UTRN: variants seen among roughly 807,000 people sequenced by gnomAD.
UTRN encodes the protein utrophin.
A neutral mutation model predicts 463.9 loss-of-function variants in UTRN; 283 were observed. The ratio of observed to expected loss-of-function variants is 0.61; its 90% CI spans 0.55 to 0.67. The LOEUF (loss-of-function observed/expected upper bound fraction) is 0.67. UTRN is among the 30% of genes least tolerant of loss of function. UTRN has a pLI of 0.00. For synonymous variants in UTRN, 1,442 were observed against 1,431.5 expected (o/e 1.01, Z -0.17); for missense variants, 3,922 against 4,084.3 (o/e 0.96, Z 1.08).
At chr6:144,320,938 G>C (rs541745531) in intron 2 of UTRN, among the ~76,000 whole-genome samples, 4 of 152,288 alleles carry the variant, frequency 2.6e-5, no homozygotes, top group South Asian at 2.1e-4. Flanking sequence ...GGGATGGAGT[G>C]GGGGGAGGTG....
rs118010353 is a variant in UTRN at position 144,651,900 on chromosome 6, T to C, written c.7480-26506T>C. Reference sequence around the variant, plus strand: ...GTTCTTTAGTGGGGATTTCTGAAATTTTGGTGCACCCATCACCTGAGCAGT... The same window carrying C: ...GTTCTTTAGTGGGGATTTCTGAAATCTTGGTGCACCCATCACCTGAGCAGT... On this transcript the variant is annotated intron_variant, in intron 51 of 74. Coordinates refer to ENST00000367545, the MANE Select transcript of UTRN (RefSeq NM_007124.3). Among the ~76,000 whole-genome samples, 410 of 152,236 alleles carry C rather than the reference T, an allele frequency of 2.7e-3. 14 individuals are homozygous for C. In the East Asian group the frequency reaches 0.057, roughly 21 times the overall value.
chr6:144,774,343 A>G lies in UTRN; in HGVS notation c.8611A>G (p.Arg2871Gly). 1 of 1,602,754 alleles carries G rather than the reference A, an allele frequency of 6.2e-7. No homozygotes were observed. Among genetic ancestry groups the G allele is most frequent in the Non-Finnish European group, 8.5e-7 (1 of 1,176,928 alleles). Residue 2871 changes from arginine to glycine, a missense_variant, in exon 60 of 75, where the codon AGA becomes GGA. This residue lies in a region of UTRN where 1,309 missense variants were observed against 1,452.6 expected (regional missense o/e 0.90). Coordinates refer to ENST00000367545, the MANE Select transcript of UTRN (RefSeq NM_007124.3). The part of the protein sequence containing the change: ...SAYRTAIKIR[R>G]LQKALCLDLL... ...CTACCGTACAGCAATCAAAATCCGAAGACTACAAAAAGCACTATGTTGTGA... is the reference window on the plus strand; with the variant it reads ...CTACCGTACAGCAATCAAAATCCGAGGACTACAAAAAGCACTATGTTGTGA...
chr6:144,622,993 G>A (rs1775587564), intron 51 of UTRN, among the ~76,000 whole-genome samples: 1 of 152,170 alleles, frequency 6.6e-6, no homozygotes, highest in Non-Finnish European at 1.5e-5. Context: ...GCATTTTAAA[G>A]AATTACAGTG....
chr6:144,573,823 A>G (rs1022146542), intron 50 of UTRN, among the ~76,000 whole-genome samples: 22 of 152,316 alleles, frequency 1.4e-4, no homozygotes, highest in Admixed American at 6.5e-4. Context: ...AGTTTATAGA[A>G]TGGGTGGAAA....
At chr6:144,821,626 A>T (rs548853833) in intron 66 of UTRN, among the ~76,000 whole-genome samples, 74 of 152,232 alleles carry the variant, frequency 4.9e-4, no homozygotes, top group Admixed American at 1.0e-3. Flanking sequence ...TGAAAGTTTC[A>T]AGATGGTGAA....
intron 74 of UTRN, among the ~76,000 whole-genome samples, chr6:144,847,963 C>T (rs1782162573): frequency 6.6e-6 from 1 of 152,148 alleles, no homozygotes; most frequent in Non-Finnish European, 1.5e-5. Context: ...AACTTGTTTA[C>T]TAATCTTTTT....
At chr6:144,771,611 CGATG>C (rs1287308819) in intron 58 of UTRN, among the ~76,000 whole-genome samples, 1 of 151,502 alleles carries the variant, frequency 6.6e-6, no homozygotes, top group Non-Finnish European at 1.5e-5. Context: ...TTTTTAGTAG[CGATG>C]GGATTTCATC....
chr6:144,500,352 TTCTC>T (rs1367864878), intron 34 of UTRN, among the ~76,000 whole-genome samples: 3 of 152,240 alleles, frequency 2.0e-5, no homozygotes, highest in African/African-American at 7.2e-5. Context: ...CAATTTGCAT[TTCTC>T]TAATGTTAGT....
Position 144,721,401 on chromosome 6 carries a change from G to T in UTRN, c.7810-8956G>T, listed in dbSNP as rs546039393. On this transcript the variant is annotated intron_variant, in intron 53 of 74. Coordinates refer to ENST00000367545, the MANE Select transcript of UTRN (RefSeq NM_007124.3). ...TTTTTGTTGTTGTTATTGAGACGGG[G>T]TCTAGCTATGTTGCCCAGGCTGGTG... Among the ~76,000 whole-genome samples the T allele has an allele frequency of 9.9e-5, 15 of 152,268 alleles. No individual in the cohort carries two copies. The South Asian group carries it at 2.5e-3, about 25-fold the overall frequency.
intron 50 of UTRN, among the ~76,000 whole-genome samples, chr6:144,561,256 T>TATATAC (rs1424919435): frequency 1.3e-5 from 1 of 75,652 alleles, no homozygotes; most frequent in African/African-American, 4.3e-5. Flanking sequence ...TATATATATA[T>TATATAC]ATATACATAC....
chr6:144,842,110 CAAAAAAAAAAAAA>C (rs35954430), intron 73 of UTRN, among the ~76,000 whole-genome samples: 4 of 62,068 alleles, frequency 6.4e-5, no homozygotes, highest in East Asian at 6.0e-4. Flanking sequence ...ACTTCCTCTC[CAAAAAAAAAAAAA>C]AAAAAAAAAA....
chr6:144,655,975 GTTTAGA>G (rs761116707), intron 51 of UTRN, among the ~76,000 whole-genome samples: 3 of 152,118 alleles, frequency 2.0e-5, no homozygotes, highest in Non-Finnish European at 4.4e-5. Flanking sequence ...TTATTAAGCA[GTTTAGA>G]TTTAGATTTT....
intron 58 of UTRN, among the ~76,000 whole-genome samples, chr6:144,766,597 C>T (rs910788748): frequency 6.6e-6 from 1 of 152,004 alleles, no homozygotes; most frequent in African/African-American, 2.4e-5. Context: ...CACTTGGCAC[C>T]ATGGAGTTCA....
At chr6:144,625,967 T>C (rs1304233654) in intron 51 of UTRN, among the ~76,000 whole-genome samples, 1 of 152,232 alleles carries the variant, frequency 6.6e-6, no homozygotes, top group Non-Finnish European at 1.5e-5. Flanking sequence ...GAAAAGTTTC[T>C]GTTGACACTG....
intron 18 of UTRN, 101 bp downstream of exon 18, chr6:144,451,594 A>G: frequency 7.3e-7 from 1 of 1,368,998 alleles, no homozygotes; most frequent in Non-Finnish European, 9.7e-7. Context: ...AGCCTCCTGT[A>G]AAATAAATGT....
intron 3 of UTRN, among the ~76,000 whole-genome samples, chr6:144,413,656 G>T (rs73597087): frequency 1.4e-3 from 217 of 152,302 alleles, no homozygotes; most frequent in African/African-American, 5.1e-3. Flanking sequence ...TCAGGTATTT[G>T]TGGTGATGCT....
intron 2 of UTRN, among the ~76,000 whole-genome samples, chr6:144,343,613 C>T (rs1777320893): frequency 6.6e-6 from 1 of 152,060 alleles, no homozygotes; most frequent in Non-Finnish European, 1.5e-5. Context: ...AAAAATTTGT[C>T]TAAATGGTGG....
intron 58 of UTRN, 93 bp downstream of exon 58, chr6:144,758,082 G>C: frequency 1.9e-6 from 2 of 1,075,192 alleles, no homozygotes; most frequent in Non-Finnish European, 2.7e-6. Context: ...TTTAAAAATA[G>C]AATTCAGTCC....
intron 58 of UTRN, among the ~76,000 whole-genome samples, chr6:144,768,444 T>A (rs1022465642): frequency 2.6e-5 from 4 of 152,194 alleles, no homozygotes; most frequent in Non-Finnish European, 5.9e-5. Flanking sequence ...GCAGGATTTA[T>A]ACTGCTTGAA....
Sources: gnomAD v4.1 joint callset for allele counts (sites outside exome capture counted in the v4.1 genomes callset) on GRCh38, gnomAD v4.1.1 for gene constraint, gnomAD v4.1.1 regional missense constraint, MANE v1.5 for transcripts, NCBI Gene and HGNC (gene_info 2026-07-23, HGNC 2026-07-21) for gene names.